POU2AF2: variants seen among roughly 807,000 people sequenced by gnomAD.
The protein encoded by POU2AF2 is POU domain class 2-associating factor 2.
chr11:111,256,212 T>C, the POU2AF2 span: 4 of 396,784 alleles, frequency 1.0e-5, no homozygotes, highest in Non-Finnish European at 1.8e-5. Flanking sequence ...TTCCTTTAAC[T>C]GGCACGCAGT....
the POU2AF2 span, among the ~76,000 whole-genome samples, chr11:111,256,300 A>G: frequency 1.3e-3 from 198 of 152,198 alleles, no homozygotes; most frequent in African/African-American, 4.7e-3. Context: ...CACTCCCTCT[A>G]CTTCAATCTC....
At chr11:111,268,575 C>T in the POU2AF2 span, among the ~76,000 whole-genome samples, 4 of 143,752 alleles carry the variant, frequency 2.8e-5, 1 homozygote, top group African/African-American at 1.0e-4. Context: ...GCTCTGTTGC[C>T]CAGGCTGAAG....
chr11:111,260,848 C>T, the POU2AF2 span, among the ~76,000 whole-genome samples: 8 of 152,304 alleles, frequency 5.3e-5, no homozygotes, highest in Middle Eastern at 6.8e-3. Flanking sequence ...CTATGTCCCC[C>T]GCCGGATAGG....
chr11:111,281,569 A>G, the POU2AF2 span: 2 of 1,024,648 alleles, frequency 2.0e-6, no homozygotes, highest in African/African-American at 3.3e-5. Flanking sequence ...TTTGTCTAAA[A>G]TACAAAATCA....
the POU2AF2 span, among the ~76,000 whole-genome samples, chr11:111,279,136 A>G: frequency 6.6e-6 from 1 of 152,110 alleles, no homozygotes; most frequent in South Asian, 2.1e-4. Context: ...TGATTTGCGT[A>G]TTTTAAGACT....
At chr11:111,246,682 T>C in the POU2AF2 span, among the ~76,000 whole-genome samples, 2 of 152,328 alleles carry the variant, frequency 1.3e-5, no homozygotes, top group African/African-American at 4.8e-5. Context: ...GCTGTGACAA[T>C]TTTTAAAAAA....
the POU2AF2 span, among the ~76,000 whole-genome samples, chr11:111,264,251 T>C: frequency 6.6e-6 from 1 of 151,944 alleles, no homozygotes; most frequent in South Asian, 2.1e-4. Context: ...ATCCCAGCAC[T>C]TTGGGAGGCC....
the POU2AF2 span, among the ~76,000 whole-genome samples, chr11:111,261,071 G>A: frequency 6.6e-6 from 1 of 152,308 alleles, no homozygotes; most frequent in East Asian, 1.9e-4. Flanking sequence ...CCAAAGACTA[G>A]AAATTAAAAC....
chr11:111,265,034 G>C, the POU2AF2 span, among the ~76,000 whole-genome samples: 1 of 152,136 alleles, frequency 6.6e-6, no homozygotes, highest in Admixed American at 6.6e-5. Context: ...CACGAGCTAA[G>C]CTTTGAAGGA....
the POU2AF2 span, among the ~76,000 whole-genome samples, chr11:111,275,690 A>G: frequency 3.9e-5 from 6 of 152,234 alleles, no homozygotes; most frequent in Non-Finnish European, 8.8e-5. Flanking sequence ...ACAATAGACA[A>G]TAAATTTAAA....
the POU2AF2 span, among the ~76,000 whole-genome samples, chr11:111,285,256 G>A: frequency 5.9e-5 from 9 of 152,262 alleles, no homozygotes; most frequent in East Asian, 1.5e-3. Context: ...GGCCTACTCC[G>A]AGGAGTGGGC....
chr11:111,262,190 G>T, the POU2AF2 span, among the ~76,000 whole-genome samples: 1 of 152,160 alleles, frequency 6.6e-6, no homozygotes, highest in South Asian at 2.1e-4. Flanking sequence ...TATTTTGGAG[G>T]GTTAATATTA....
chr11:111,265,651 A>T, the POU2AF2 span, among the ~76,000 whole-genome samples: 5 of 152,174 alleles, frequency 3.3e-5, no homozygotes, highest in Non-Finnish European at 5.9e-5. Flanking sequence ...TATGGTTTTT[A>T]CAATATCTGG....
chr11:111,277,385 A>G, the POU2AF2 span, among the ~76,000 whole-genome samples: 21 of 152,316 alleles, frequency 1.4e-4, no homozygotes, highest in South Asian at 4.3e-3. Flanking sequence ...TTCCACAGTA[A>G]TAATTAGGCC....
chr11:111,266,158 G>C, the POU2AF2 span, among the ~76,000 whole-genome samples: 1 of 152,100 alleles, frequency 6.6e-6, no homozygotes, highest in African/African-American at 2.4e-5. Flanking sequence ...ATTTTGATCA[G>C]GATTTGCCAC....
chr11:111,258,903 C>G, the POU2AF2 span, among the ~76,000 whole-genome samples: 1 of 152,112 alleles, frequency 6.6e-6, no homozygotes, highest in Non-Finnish European at 1.5e-5. Context: ...TTGCTGAGGT[C>G]TTGCTATTGA....
the POU2AF2 span, among the ~76,000 whole-genome samples, chr11:111,265,005 T>G: frequency 1.6e-4 from 25 of 151,920 alleles, no homozygotes; most frequent in African/African-American, 6.0e-4. Flanking sequence ...AGAAAAAGAC[T>G]TCTTGGAGGA....
the POU2AF2 span, among the ~76,000 whole-genome samples, chr11:111,267,428 C>G: frequency 1.3e-5 from 2 of 152,178 alleles, no homozygotes; most frequent in Non-Finnish European, 2.9e-5. Context: ...TTTCTGTTCT[C>G]TAGAGACCTC....
At chr11:111,257,979 G>A in the POU2AF2 span, among the ~76,000 whole-genome samples, 17 of 152,126 alleles carry the variant, frequency 1.1e-4, no homozygotes, top group Non-Finnish European at 1.8e-4. Context: ...TTAGCCCGGT[G>A]TAGTGGCTCA....
Sources: allele counts gnomAD v4.1 joint callset (sites outside exome capture counted in the v4.1 genomes callset), GRCh38; gene constraint gnomAD v4.1.1; transcripts MANE v1.5; gene names NCBI Gene and HGNC (gene_info 2026-07-23, HGNC 2026-07-21).